Variants in TTC7B observed in about 807,000 individuals in gnomAD.
The protein encoded by TTC7B is tetratricopeptide repeat protein 7B.
TTC7B carries 28 observed loss-of-function variants against 106.8 expected under a neutral mutation model. The ratio of observed to expected loss-of-function variants is 0.26; its 90% confidence interval spans 0.19 to 0.36. The LOEUF is 0.36. Among genes scored for constraint, TTC7B ranks in the 10% least tolerant of loss-of-function variants. The pLI is 1.00. For synonymous variants in TTC7B, 405 were observed against 430.6 expected, an observed-to-expected ratio of 0.94 and a Z score of 0.74; for missense variants, 862 against 1,076.4, an observed-to-expected ratio of 0.80 and a Z score of 2.79.
Position 90,608,620 on chromosome 14 carries a change from G to A in TTC7B, c.1966+2122C>T, listed in dbSNP as rs764819460. Among the ~76,000 whole-genome samples, 36 of 152,076 alleles carry A rather than the reference G, an allele frequency of 2.4e-4. No homozygotes were observed. Among genetic ancestry groups the A allele is most frequent in the African/African-American group, 6.0e-4 (25 of 41,390 alleles). ...AAGCAGAGGGGGAGGAGGAAGACCC[G>A]GGGGCCAGGCCCAACCCAGGGCAGT... is the stretch of plus-strand genomic sequence containing the variant. On this transcript the variant is annotated intron_variant, in intron 17 of 19. Coordinates refer to ENST00000328459, the MANE Select transcript of TTC7B (RefSeq NM_001010854.2). This position sits in a 1 kb window ranked among gnomAD's most constrained non-coding sequence, Gnocchi z 5.1.
chr14:90,721,448 A>C (rs1888894987), intron 5 of TTC7B, among the ~76,000 whole-genome samples: 1 of 152,268 alleles, frequency 6.6e-6, no homozygotes, highest in Non-Finnish European at 1.5e-5. Flanking sequence ...AGCAAGACCT[A>C]GCCCACATTT....
chr14:90,677,628 G>GC (rs1365536880), intron 8 of TTC7B, among the ~76,000 whole-genome samples: 2 of 152,110 alleles, frequency 1.3e-5, no homozygotes, highest in South Asian at 2.1e-4. Context: ...GCAGAGAAAG[G>GC]CCCCCCCAGT....
At chr14:90,788,824 A>G (rs895052728) in intron 1 of TTC7B, among the ~76,000 whole-genome samples, 1 of 151,998 alleles carries the variant, frequency 6.6e-6, no homozygotes, top group African/African-American at 2.4e-5. Flanking sequence ...TTAGCTGTGC[A>G]TGGTGGTGTG....
Position 90,777,830 on chromosome 14 carries a change from T to C in TTC7B, c.445+2908A>G, listed in dbSNP as rs545892656. ...AATTGCCCTGTTAGTACAAGTCACT[T>C]CTAGTCCCTCAGGGCCCACCCAACA... On this transcript the variant is annotated intron_variant, in intron 3 of 19. Transcript: ENST00000328459. Among the ~76,000 whole-genome samples, 11 of 152,324 alleles carry C rather than the reference T, an allele frequency of 7.2e-5. No homozygotes were observed. The South Asian group carries it at 2.1e-3, about 29-fold the overall frequency.
chr14:90,691,982 C>T (rs1236248635), intron 6 of TTC7B, among the ~76,000 whole-genome samples: 1 of 152,114 alleles, frequency 6.6e-6, no homozygotes, highest in East Asian at 1.9e-4. Context: ...TTTTTGTGAC[C>T]AGCTTCCGTT....
chr14:90,560,653 T>G (rs1175399668), intron 19 of TTC7B, among the ~76,000 whole-genome samples: 2 of 152,354 alleles, frequency 1.3e-5, no homozygotes, highest in East Asian at 3.9e-4. Flanking sequence ...AGGCTCTGTC[T>G]CCTCCCATTC....
In TTC7B at chr14:90,733,841, G is replaced by A. The variant is rs550944581; in HGVS notation, c.577-3645C>T. Among the ~76,000 whole-genome samples the A allele has an allele frequency of 2.6e-5, 4 of 152,064 alleles. No individual in the cohort carries two copies. The East Asian group carries it at 7.7e-4, about 29-fold the overall frequency. On this transcript the variant is annotated intron_variant, in intron 4 of 19. Coordinates refer to ENST00000328459, the MANE Select transcript of TTC7B (RefSeq NM_001010854.2). ...TTCACTGCCCTCATCTATACAATGG[G>A]GATAATAATACCTACCTCACAAGGT...
intron 4 of TTC7B, among the ~76,000 whole-genome samples, chr14:90,730,481 CGG>C (rs1474500833): frequency 6.6e-6 from 1 of 152,098 alleles, no homozygotes; most frequent in African/African-American, 2.4e-5. Context: ...GCACTAGAGG[CGG>C]AGAGGCCCTG....
chr14:90,771,414 C>T (rs899625306), intron 3 of TTC7B, among the ~76,000 whole-genome samples: 11 of 152,060 alleles, frequency 7.2e-5, no homozygotes, highest in African/African-American at 2.4e-4. Flanking sequence ...TGGGCAACGT[C>T]CAAACCCCAT....
chr14:90,665,055 C>G (rs938919077), intron 9 of TTC7B, among the ~76,000 whole-genome samples: 5 of 152,224 alleles, frequency 3.3e-5, no homozygotes, highest in African/African-American at 1.2e-4. Context: ...TGGAGTCCAG[C>G]AGAGGGATGG....
At chr14:90,763,196 G>A (rs1391697638) in intron 3 of TTC7B, among the ~76,000 whole-genome samples, 1 of 152,058 alleles carries the variant, frequency 6.6e-6, no homozygotes, top group East Asian at 1.9e-4. Flanking sequence ...ATGACCAAAT[G>A]GGATTTAATT....
chr14:90,763,681 A>T (rs1890579029), intron 3 of TTC7B, among the ~76,000 whole-genome samples: 1 of 152,208 alleles, frequency 6.6e-6, no homozygotes, highest in East Asian at 1.9e-4. Flanking sequence ...CAAGATTAAT[A>T]AACAAAAATG....
At chr14:90,810,672 C>T (rs2030849603) in intron 1 of TTC7B, among the ~76,000 whole-genome samples, 1 of 152,166 alleles carries the variant, frequency 6.6e-6, no homozygotes, top group Non-Finnish European at 1.5e-5. Flanking sequence ...AAGCATGTTC[C>T]CAGAGGGGTT....
chr14:90,662,953 AT>A (rs1886267193), intron 9 of TTC7B, among the ~76,000 whole-genome samples: 1 of 152,252 alleles, frequency 6.6e-6, no homozygotes, highest in African/African-American at 2.4e-5. Context: ...ACTTTGTGAA[AT>A]GTTTCCTCAT....
At chr14:90,747,671 T>C (rs1049667057) in intron 3 of TTC7B, among the ~76,000 whole-genome samples, 8 of 152,232 alleles carry the variant, frequency 5.3e-5, no homozygotes, top group African/African-American at 1.7e-4. Context: ...AAGGCATCTA[T>C]ATCCTTACCA....
rs561534508 is a variant in TTC7B, at chr14:90,803,233, C to G, written c.121+12942G>C. Among the ~76,000 whole-genome samples the G allele has an allele frequency of 5.9e-5, 9 of 152,270 alleles. No homozygotes were observed. In the South Asian group the frequency reaches 1.9e-3, roughly 32 times the overall value. On this transcript the variant is annotated intron_variant, in intron 1 of 19. Transcript: ENST00000328459. ...CCCTCCAGTGGTTCCACTCTCCCCC[C>G]AAGTGAAGGCCAAAATCCTTGTAAC...
chr14:90,593,485 C>A lies in TTC7B; in HGVS notation c.2107+1G>T. ...CGGGTTGTGGGTGAGGCGGAGGGTA[C>A]CTGCATGGAGCCAGATCTGTGCCAG... On this transcript the variant is annotated splice_donor_variant, in intron 18 of 19. Coordinates refer to ENST00000328459, the MANE Select transcript of TTC7B (RefSeq NM_001010854.2). LOFTEE classifies it high-confidence loss of function. The A allele has an allele frequency of 6.3e-7, 1 of 1,589,796 alleles. No homozygotes were observed. Among genetic ancestry groups the A allele is most frequent in the Non-Finnish European group, 8.6e-7 (1 of 1,165,432 alleles).
intron 15 of TTC7B, among the ~76,000 whole-genome samples, chr14:90,628,303 C>A (rs1204549376): frequency 2.6e-5 from 4 of 152,236 alleles, no homozygotes; most frequent in Non-Finnish European, 4.4e-5. Context: ...TAATTTCTGA[C>A]ATTTGGGAAG....
chr14:90,734,145 G>A (rs937443879), intron 4 of TTC7B, among the ~76,000 whole-genome samples: 21 of 152,092 alleles, frequency 1.4e-4, no homozygotes, highest in African/African-American at 4.6e-4. Context: ...CAGGCCAGGC[G>A]TGGTGGCTCA....
Sources: allele counts gnomAD v4.1 joint callset (sites outside exome capture counted in the v4.1 genomes callset), GRCh38; gene constraint gnomAD v4.1.1; non-coding constraint Gnocchi (gnomAD v3.1); transcripts MANE v1.5; gene names NCBI Gene and HGNC (gene_info 2026-07-23, HGNC 2026-07-21).